ANKFN1: variants seen among roughly 807,000 people sequenced by gnomAD.
ANKFN1 encodes the protein ankyrin repeat and fibronectin type III domain containing 1.
A neutral mutation model predicts 108.7 loss-of-function variants in ANKFN1; 74 were observed. That is an observed-to-expected ratio of 0.68 (90% CI 0.56 to 0.83). The LOEUF is 0.83. ANKFN1 is among the 40% of genes least tolerant of loss of function. ANKFN1 has a pLI of 0.00. For missense variants in ANKFN1, 1,505 were observed against 1,382.3 expected (o/e 1.09, Z -1.41); for synonymous variants, 547 against 516.2 (o/e 1.06, Z -0.81).
chr17:56,178,993 A>G (rs1355138845), intron 1 of ANKFN1, among the ~76,000 whole-genome samples: 1 of 152,210 alleles, frequency 6.6e-6, no homozygotes, highest in Non-Finnish European at 1.5e-5. Context: ...GGAAAGTAAC[A>G]ATGGAATCGA....
At chr17:56,321,307 A>G (rs1466756760) in intron 3 of ANKFN1, among the ~76,000 whole-genome samples, 1 of 152,128 alleles carries the variant, frequency 6.6e-6, no homozygotes, top group East Asian at 1.9e-4. Flanking sequence ...TTTTAAAAAA[A>G]GAATCGGAGC....
chr17:56,372,916 AT>A lies in ANKFN1; in HGVS notation c.796+86del, dbSNP rs879682665. The A allele has an allele frequency of 3.4e-3, 4,693 of 1,390,532 alleles. 3 individuals are homozygous for A. The highest frequency in any genetic ancestry group is 3.8e-3 in the Non-Finnish European group (3,936 of 1,039,654). The allele number at this position is 1,390,532 out of a possible 1,614,324, so 86.1% of individuals were successfully genotyped here. ...GAGACAGCCAGGTCTTCTTTTACAG[AT>A]TTTTTTTTTCAGCTCTACAGAGTCA... On this transcript the variant is annotated intron_variant, in intron 7 of 20. Transcript: ENST00000682825.
chr17:56,123,707 C>G (rs1344348109), intron 4 of ANKFN1, among the ~76,000 whole-genome samples: 4 of 151,886 alleles, frequency 2.6e-5, no homozygotes, highest in African/African-American at 9.7e-5. Flanking sequence ...AAAGAGAGAC[C>G]TTGCTGCTCA....
intron 11 of ANKFN1, among the ~76,000 whole-genome samples, chr17:56,449,630 A>G (rs1455336752): frequency 1.3e-5 from 2 of 152,172 alleles, no homozygotes; most frequent in East Asian, 1.9e-4. Flanking sequence ...ATAGTTTACA[A>G]TGCAGTTTCA....
rs143504964 is a variant in ANKFN1 at position 56,089,677 on chromosome 17, C to T, written c.288+43352C>T. Among the ~76,000 whole-genome samples, 80 of 151,240 alleles carry T rather than the reference C, an allele frequency of 5.3e-4. 3 individuals carry two copies. Among genetic ancestry groups the T allele is most frequent in the African/African-American group, 1.8e-3 (74 of 41,252 alleles). ...TTTTGCGTGGCTGCCAGGCATAAGGCGCAAAGACAGGAAGAAGAACCATCT... is the reference window on the plus strand; with the variant it reads ...TTTTGCGTGGCTGCCAGGCATAAGGTGCAAAGACAGGAAGAAGAACCATCT... On this transcript the variant is annotated intron_variant, in intron 4 of 12. Coordinates refer to the ANKFN1 transcript ENST00000635860.
chr17:56,244,102 G>A (rs1476375126), intron 3 of ANKFN1, among the ~76,000 whole-genome samples: 1 of 152,070 alleles, frequency 6.6e-6, no homozygotes, highest in Non-Finnish European at 1.5e-5. Context: ...AATGTGGCAT[G>A]TGGCAGAAAA....
intron 1 of ANKFN1, among the ~76,000 whole-genome samples, chr17:56,193,420 C>T (rs1301593963): frequency 6.7e-6 from 1 of 148,606 alleles, no homozygotes; most frequent in Non-Finnish European, 1.5e-5. Flanking sequence ...AAAAATACAG[C>T]TAGTATAATG....
At chr17:56,275,315 CT>C (rs879530969) in intron 3 of ANKFN1, among the ~76,000 whole-genome samples, 3,673 of 142,110 alleles carry the variant, frequency 0.026, 46 homozygotes, top group Middle Eastern at 0.046. Context: ...GGAGTTTATT[CT>C]TTTTTTTTTT....
chr17:56,514,478 T>G lies in ANKFN1; in HGVS notation c.*3209T>G, dbSNP rs2051858674. Among the ~76,000 whole-genome samples the G allele has an allele frequency of 6.6e-6, 1 of 152,170 alleles. No individual in the cohort carries two copies. Among genetic ancestry groups the G allele is most frequent in the Non-Finnish European group, 1.5e-5 (1 of 68,026 alleles). On this transcript the variant is annotated 3_prime_UTR_variant, in exon 21 of 21. Coordinates refer to ENST00000682825, the MANE Select transcript of ANKFN1 (RefSeq NM_001370326.1). ...TACAGACTCCTGAGGGAGTACAACC[T>G]GGAAAATGCAAGTCATGGAAGTATA...
intron 4 of ANKFN1, among the ~76,000 whole-genome samples, chr17:56,100,818 G>A (rs10852979): frequency 0.22 from 33,466 of 152,078 alleles, 5,002 homozygotes; most frequent in African/African-American, 0.42. Context: ...TTTGTCCTTT[G>A]GGGTTCCCCC....
intron 3 of ANKFN1, among the ~76,000 whole-genome samples, chr17:56,287,795 G>A (rs2144287437): frequency 6.6e-6 from 1 of 152,300 alleles, no homozygotes; most frequent in African/African-American, 2.4e-5. Context: ...TACTGAATGG[G>A]ATATAGGCCA....
intron 4 of ANKFN1, among the ~76,000 whole-genome samples, chr17:56,345,469 C>G (rs980341698): frequency 6.6e-6 from 1 of 152,096 alleles, no homozygotes; most frequent in African/African-American, 2.4e-5. Flanking sequence ...AATCACCACA[C>G]TGTCTTTCAC....
chr17:56,230,341 C>CT (rs1916640492), intron 3 of ANKFN1, among the ~76,000 whole-genome samples: 1 of 152,088 alleles, frequency 6.6e-6, no homozygotes, highest in Admixed American at 6.6e-5. Context: ...TTCAAAGTAT[C>CT]TTTTTGGGGA....
intron 14 of ANKFN1, among the ~76,000 whole-genome samples, chr17:56,458,908 A>G (rs113369540): frequency 2.6e-3 from 401 of 152,310 alleles, no homozygotes; most frequent in Middle Eastern, 0.01. Flanking sequence ...CCCCCCACCT[A>G]CAATTATAGG....
intron 4 of ANKFN1, 152 bp downstream of exon 4, chr17:56,326,507 C>A (rs535827122): frequency 2.4e-6 from 2 of 847,816 alleles, no homozygotes; most frequent in Non-Finnish European, 3.6e-6. Flanking sequence ...ATGAAGAATA[C>A]ACACAAGCAC....
At chr17:56,341,660 T>G (rs2045962424) in intron 4 of ANKFN1, among the ~76,000 whole-genome samples, 1 of 152,162 alleles carries the variant, frequency 6.6e-6, no homozygotes, top group African/African-American at 2.4e-5. Context: ...TGAAGCCTAT[T>G]TCATCATGGT....
At chr17:56,399,284 AT>A (rs2144919972) in intron 8 of ANKFN1, among the ~76,000 whole-genome samples, 1 of 152,260 alleles carries the variant, frequency 6.6e-6, no homozygotes, top group South Asian at 2.1e-4. Flanking sequence ...GAAATCTTTT[AT>A]AACTACAAAA....
At chr17:56,270,449 C>T (rs1235633492) in intron 3 of ANKFN1, among the ~76,000 whole-genome samples, 1 of 152,176 alleles carries the variant, frequency 6.6e-6, no homozygotes, top group Non-Finnish European at 1.5e-5. Context: ...GACAGTCATC[C>T]CAGGGAAAGA....
At chr17:56,067,188 A>G (rs1312483757) in intron 4 of ANKFN1, among the ~76,000 whole-genome samples, 6 of 148,734 alleles carry the variant, frequency 4.0e-5, no homozygotes, top group Non-Finnish European at 6.0e-5. Context: ...GACTCCATCT[A>G]AAAAAAAAAG....
Sources: allele counts gnomAD v4.1 joint callset (sites outside exome capture counted in the v4.1 genomes callset), GRCh38; gene constraint gnomAD v4.1.1; transcripts MANE v1.5; gene names NCBI Gene and HGNC (gene_info 2026-07-23, HGNC 2026-07-21).